MAMLD1: variants seen among roughly 807,000 people sequenced by gnomAD.
MAMLD1 encodes mastermind-like domain-containing protein 1.
A neutral mutation model predicts 45.0 loss-of-function variants in MAMLD1; 14 were observed. That is an observed-to-expected ratio of 0.31 (90% CI 0.21 to 0.49). MAMLD1 has a LOEUF of 0.49. MAMLD1 is among the 20% of genes least tolerant of loss of function. The pLI is 0.99. For synonymous variants in MAMLD1, 254 were observed against 247.8 expected, an observed-to-expected ratio of 1.02 and a Z score of -0.24; for missense variants, 543 against 603.6, an observed-to-expected ratio of 0.90 and a Z score of 1.05.
In MAMLD1 at chrX:150,396,937, T is replaced by C. The variant is rs144015251; in HGVS notation, c.-64+33407T>C. ...ACTTTCTAGAGGCTTTTTATGCTTT[T>C]TTATTATGTTATGCCCAGATTTTTG... On this transcript the variant is annotated intron_variant, in intron 1 of 7. Transcript: ENST00000370401. Among the ~76,000 whole-genome samples the C allele has an allele frequency of 6.7e-3, 752 of 112,376 alleles. 7 individuals are homozygous for C. The highest frequency in any genetic ancestry group is 0.023 in the African/African-American group (713 of 30,973).
At chrX:150,370,424 T>G (rs782489870) in intron 1 of MAMLD1, among the ~76,000 whole-genome samples, 1 of 112,225 alleles carries the variant, frequency 8.9e-6, no homozygotes, top group African/African-American at 3.2e-5. Context: ...TGTTGTGTCA[T>G]TGTTGTTCTT....
At chrX:150,462,682 C>T in intron 2 of MAMLD1, 90 bp from the exon 3 acceptor site, 1 of 615,521 alleles carries the variant, frequency 1.6e-6, no homozygotes, top group Admixed American at 2.2e-5. Flanking sequence ...AAGTAACAGT[C>T]TGATCTGTGC....
intron 1 of MAMLD1, among the ~76,000 whole-genome samples, chrX:150,414,005 C>A: frequency 3.5e-5 from 2 of 56,487 alleles, no homozygotes; most frequent in Non-Finnish European, 2.9e-5. Flanking sequence ...TATCATGGAG[C>A]ATTAAGGAAC....
chrX:150,479,048 T>A (rs868994188), intron 5 of MAMLD1, among the ~76,000 whole-genome samples: 2 of 110,444 alleles, frequency 1.8e-5, no homozygotes, highest in Non-Finnish European at 1.9e-5. Flanking sequence ...TTGGTATTAA[T>A]CTTACCAAGA....
chrX:150,381,752 T>C (rs533468), intron 1 of MAMLD1, among the ~76,000 whole-genome samples: 1 of 112,396 alleles, frequency 8.9e-6, no homozygotes, highest in African/African-American at 3.2e-5. Flanking sequence ...CATATTAATT[T>C]GCATTTCCCT....
chrX:150,449,917 G>A (rs1430648325), intron 2 of MAMLD1, among the ~76,000 whole-genome samples: 1 of 111,948 alleles, frequency 8.9e-6, no homozygotes, highest in African/African-American at 3.2e-5. Flanking sequence ...ATTTGCTTCT[G>A]TGTCACAGAG....
At chrX:150,377,819 T>C (rs868939506) in intron 1 of MAMLD1, among the ~76,000 whole-genome samples, 1 of 91,834 alleles carries the variant, frequency 1.1e-5, no homozygotes, top group Admixed American at 1.2e-4. Flanking sequence ...TACCACCCCC[T>C]CACACACACA....
Position 150,469,756 on chromosome X carries a change from G to A in MAMLD1, c.183G>A (p.Lys61=). Residue 61 remains lysine, a synonymous_variant, in exon 4 of 8, where the codon AAG becomes AAA. Coordinates refer to ENST00000370401, the MANE Select transcript of MAMLD1 (RefSeq NM_005491.5). ...SPGRKHQGTV[K]RRQEEDHFQF... ...TCTTCCATTCACAGGGAACTGTTAAGAGGAGACAAGAAGAAGACCACTTCC... is the reference window on the plus strand; with the variant it reads ...TCTTCCATTCACAGGGAACTGTTAAAAGGAGACAAGAAGAAGACCACTTCC... 1 of 1,208,972 alleles carries A rather than the reference G, an allele frequency of 8.3e-7. No individual in the cohort carries two copies. Among genetic ancestry groups the A allele is most frequent in the Non-Finnish European group, 1.1e-6 (1 of 894,266 alleles).
At chrX:150,459,806 G>A (rs1238973466) in intron 2 of MAMLD1, among the ~76,000 whole-genome samples, 1 of 102,848 alleles carries the variant, frequency 9.7e-6, no homozygotes, top group Non-Finnish European at 2.0e-5. Context: ...GAAGAAAGGA[G>A]AAAGATGGGA....
chrX:150,439,913 C>A (rs1486268230), intron 1 of MAMLD1, among the ~76,000 whole-genome samples: 4 of 110,047 alleles, frequency 3.6e-5, no homozygotes, highest in African/African-American at 1.3e-4. Flanking sequence ...AACCACTGCT[C>A]TCCAGCCTGG....
intron 1 of MAMLD1, among the ~76,000 whole-genome samples, chrX:150,368,472 G>A (rs1310120940): frequency 9.1e-6 from 1 of 110,096 alleles, no homozygotes; most frequent in African/African-American, 3.3e-5. Context: ...CCCTTTGTCA[G>A]ATGAGTAGAT....
intron 1 of MAMLD1, among the ~76,000 whole-genome samples, chrX:150,385,847 A>G (rs1306559438): frequency 1.8e-5 from 2 of 112,204 alleles, no homozygotes; most frequent in African/African-American, 6.5e-5. Flanking sequence ...CTTTAGCTTC[A>G]GGTCCTGTAT....
chrX:150,430,754 T>C (rs1557404020), intron 1 of MAMLD1, among the ~76,000 whole-genome samples: 1 of 112,324 alleles, frequency 8.9e-6, no homozygotes, highest in Non-Finnish European at 1.9e-5. Context: ...TGCACTTTTG[T>C]CAAAAATCAG....
chrX:150,458,907 T>C (rs995947401), intron 2 of MAMLD1, among the ~76,000 whole-genome samples: 5 of 112,004 alleles, frequency 4.5e-5, no homozygotes, highest in African/African-American at 9.7e-5. Flanking sequence ...TTCTCAGTTA[T>C]AGGATGCATA....
At chrX:150,497,095 A>C (rs1008389596) in intron 5 of MAMLD1, among the ~76,000 whole-genome samples, 16 of 111,510 alleles carry the variant, frequency 1.4e-4, no homozygotes, top group African/African-American at 5.2e-4. Context: ...GTTAAATTAT[A>C]TACGTTTGTG....
intron 6 of MAMLD1, among the ~76,000 whole-genome samples, chrX:150,505,781 C>T (rs2037709322): frequency 8.9e-6 from 1 of 112,746 alleles, no homozygotes; most frequent in Non-Finnish European, 1.9e-5. Context: ...ACAATCAAAA[C>T]TTGCCTGCCA....
chrX:150,386,278 G>T (rs1428092673), intron 1 of MAMLD1, among the ~76,000 whole-genome samples: 1 of 111,717 alleles, frequency 9.0e-6, no homozygotes, highest in Non-Finnish European at 1.9e-5. Context: ...ATATTCAATA[G>T]TGTAATCCTT....
At chrX:150,361,884 G>T (rs1557400476), upstream of MAMLD1, among the ~76,000 whole-genome samples, 2 of 112,824 alleles carry the variant, frequency 1.8e-5, no homozygotes, top group Non-Finnish European at 3.8e-5. Flanking sequence ...TGTCCGTCTT[G>T]GGATAACTGC....
chrX:150,424,035 A>G (rs2124560080), intron 1 of MAMLD1, among the ~76,000 whole-genome samples: 1 of 112,530 alleles, frequency 8.9e-6, no homozygotes, highest in African/African-American at 3.2e-5. Flanking sequence ...TTGGTGTAAG[A>G]TAGTCTTGCT....
Sources: gnomAD v4.1 joint callset for allele counts (sites outside exome capture counted in the v4.1 genomes callset) on GRCh38, gnomAD v4.1.1 for gene constraint, MANE v1.5 for transcripts, NCBI Gene and HGNC (gene_info 2026-07-23, HGNC 2026-07-21) for gene names.